The following CHCHD3 variants were observed in gnomAD, a reference collection of about 807,000 sequenced individuals.
The protein encoded by CHCHD3 is coiled-coil-helix-coiled-coil-helix domain containing 3, also known as MICOS complex subunit MIC19.
Under a neutral mutation model 38.2 loss-of-function variants are expected in CHCHD3, and 20 were observed. The ratio of observed to expected loss-of-function variants is 0.52; its 90% CI spans 0.37 to 0.76. The LOEUF is 0.76. CHCHD3 is among the 30% of genes least tolerant of loss of function. CHCHD3 has a pLI of 0.00. For missense variants in CHCHD3, 245 were observed against 279.2 expected (o/e 0.88, Z 0.87); for synonymous variants, 82 against 100.0 (o/e 0.82, Z 1.07).
At chr7:132,807,395 C>T (rs1806950994) in intron 6 of CHCHD3, among the ~76,000 whole-genome samples, 1 of 151,972 alleles carries the variant, frequency 6.6e-6, no homozygotes, top group South Asian at 2.1e-4. Context: ...GGCTTCACCT[C>T]ACACTTATAC....
At chr7:133,023,407 G>A (rs897486163) in intron 3 of CHCHD3, among the ~76,000 whole-genome samples, 1 of 152,184 alleles carries the variant, frequency 6.6e-6, no homozygotes, top group Non-Finnish European at 1.5e-5. Context: ...AAGGCTCAAA[G>A]AGGTTAAATT....
At chr7:132,802,484 G>C (rs754687227) in intron 6 of CHCHD3, among the ~76,000 whole-genome samples, 17 of 152,104 alleles carry the variant, frequency 1.1e-4, no homozygotes, top group Non-Finnish European at 2.5e-4. Context: ...CCTCATTAGA[G>C]GTCTGAACTT....
chr7:132,955,173 G>GGTGTGTGTGTGTGTGTGTGTATGTGT (rs1811129566), intron 4 of CHCHD3, among the ~76,000 whole-genome samples: 2 of 126,226 alleles, frequency 1.6e-5, no homozygotes, highest in Admixed American at 1.7e-4. Context: ...TCCCTCAGAG[G>GGTGTGTGTGTGTGTGTGTGTATGTGT]GTGTGTGTGT....
chr7:133,040,422 C>A (rs1264403980), intron 2 of CHCHD3, among the ~76,000 whole-genome samples: 1 of 152,096 alleles, frequency 6.6e-6, no homozygotes, highest in African/African-American at 2.4e-5. Flanking sequence ...GGAGGGGTAC[C>A]CTTCCAGTAC....
intron 1 of CHCHD3, among the ~76,000 whole-genome samples, chr7:133,072,244 A>T (rs1358936634): frequency 1.1e-5 from 1 of 88,730 alleles, no homozygotes; most frequent in Non-Finnish European, 2.2e-5. Flanking sequence ...ACTCTACAAC[A>T]ATTTACTTTA....
At chr7:133,074,694 G>A (rs1355539386) in intron 1 of CHCHD3, among the ~76,000 whole-genome samples, 1 of 151,948 alleles carries the variant, frequency 6.6e-6, no homozygotes, top group Non-Finnish European at 1.5e-5. Context: ...GAAAAAATAA[G>A]CTTACATTTT....
At chr7:132,955,543 T>G (rs981606201) in intron 4 of CHCHD3, among the ~76,000 whole-genome samples, 5 of 121,424 alleles carry the variant, frequency 4.1e-5, no homozygotes, top group African/African-American at 1.0e-4. Flanking sequence ...GGGTTTTTTG[T>G]TTTTTTTTTT....
chr7:132,887,213 G>A lies in CHCHD3; in HGVS notation c.370-1468C>T, dbSNP rs181190985. Among the ~76,000 whole-genome samples, 9 of 151,876 alleles carry A rather than the reference G, an allele frequency of 5.9e-5. No homozygotes were observed. The East Asian group carries it at 1.4e-3, about 23-fold the overall frequency. On this transcript the variant is annotated intron_variant, in intron 4 of 7. Coordinates refer to ENST00000262570, the MANE Select transcript of CHCHD3 (RefSeq NM_017812.4). Reference sequence around the variant, plus strand: ...TTCAATGAAAAGTACATGCTGCTTGGAAGCATATGAATAAATAAAAACAAA... The same window carrying A: ...TTCAATGAAAAGTACATGCTGCTTGAAAGCATATGAATAAATAAAAACAAA...
chr7:132,932,690 T>C (rs1180615645), intron 4 of CHCHD3, among the ~76,000 whole-genome samples: 1 of 152,252 alleles, frequency 6.6e-6, no homozygotes, highest in Non-Finnish European at 1.5e-5. Flanking sequence ...ATCAGGCTCA[T>C]TATTAGCACA....
intron 4 of CHCHD3, among the ~76,000 whole-genome samples, chr7:132,895,725 T>C (rs376038687): frequency 1.3e-5 from 2 of 152,252 alleles, no homozygotes; most frequent in South Asian, 4.1e-4. Context: ...GTGACATTGC[T>C]CTTCCTTTGC....
intron 6 of CHCHD3, among the ~76,000 whole-genome samples, chr7:132,804,861 T>A (rs1806874727): frequency 6.6e-6 from 1 of 152,222 alleles, no homozygotes; most frequent in Non-Finnish European, 1.5e-5. Flanking sequence ...GATTTGCCCT[T>A]TAAGTGTCAG....
intron 4 of CHCHD3, among the ~76,000 whole-genome samples, chr7:132,894,606 GA>G (rs750967539): frequency 2.6e-5 from 4 of 152,172 alleles, no homozygotes; most frequent in Non-Finnish European, 5.9e-5. Context: ...TGAGACAAGA[GA>G]AGGGCTTTCC....
At chr7:132,980,441 C>G (rs1250377113) in intron 3 of CHCHD3, among the ~76,000 whole-genome samples, 1 of 152,138 alleles carries the variant, frequency 6.6e-6, no homozygotes, top group Non-Finnish European at 1.5e-5. Context: ...CATTAAGTCC[C>G]TGATTTAAGT....
intron 5 of CHCHD3, among the ~76,000 whole-genome samples, chr7:132,879,707 T>C (rs144910129): frequency 2.8e-4 from 32 of 112,796 alleles, no homozygotes; most frequent in African/African-American, 1.1e-3. Context: ...CAGAACACTT[T>C]GTCAAAAGTA....
chr7:132,837,507 T>C (rs1807816350), intron 6 of CHCHD3, among the ~76,000 whole-genome samples: 1 of 152,214 alleles, frequency 6.6e-6, no homozygotes, highest in Non-Finnish European at 1.5e-5. Context: ...TACCTTTAAT[T>C]TTTAAAAAAT....
rs10718893 is a variant in CHCHD3, at chr7:132,841,401, C to CA, written c.454-2933dup. ...CTTTTACAAATGGACAGAACTCATT[C>CA]AAAAAAAAAAAAACAAACAACAACA... On this transcript the variant is annotated intron_variant, in intron 5 of 7. Coordinates refer to ENST00000262570, the MANE Select transcript of CHCHD3 (RefSeq NM_017812.4). 6.0e-3 allele frequency among the ~76,000 whole-genome samples: 766 copies of CA among 126,810 alleles called. 9 individuals are homozygous for CA. Among genetic ancestry groups the CA allele is most frequent in the Admixed American group, 0.019 (244 of 12,854 alleles). The allele number at this position is 126,810 out of a possible 152,430, so 83.2% of individuals were successfully genotyped here.
intron 5 of CHCHD3, among the ~76,000 whole-genome samples, chr7:132,882,683 A>G (rs1809097405): frequency 6.6e-6 from 1 of 152,032 alleles, no homozygotes; most frequent in South Asian, 2.1e-4. Flanking sequence ...GAGAAATGGG[A>G]GAATATTTTT....
chr7:133,013,877 T>C (rs1812952185), intron 3 of CHCHD3, among the ~76,000 whole-genome samples: 1 of 152,218 alleles, frequency 6.6e-6, no homozygotes, highest in Non-Finnish European at 1.5e-5. Flanking sequence ...ATTTTCTTTT[T>C]TTTTGTTAAA....
rs184898998 is a variant in CHCHD3, at chr7:132,939,815, A to G, written c.369+35354T>C. ...ATTTAGGAACAAATGAGTATGTGCT[A>G]TTCCCATTTACACTAACTGCCATCA... On this transcript the variant is annotated intron_variant, in intron 4 of 7. Transcript: ENST00000262570. Among the ~76,000 whole-genome samples the G allele has an allele frequency of 1.6e-3, 247 of 152,336 alleles. 1 individual carries two copies. Among genetic ancestry groups the G allele is most frequent in the African/African-American group, 5.5e-3 (229 of 41,578 alleles).
Sources: gnomAD v4.1 joint callset for allele counts (sites outside exome capture counted in the v4.1 genomes callset) on GRCh38, gnomAD v4.1.1 for gene constraint, MANE v1.5 for transcripts, NCBI Gene and HGNC (gene_info 2026-07-23, HGNC 2026-07-21) for gene names.